EXOC6B: variants seen among roughly 807,000 people sequenced by gnomAD.
EXOC6B encodes the protein exocyst complex component 6B.
EXOC6B carries 54 observed loss-of-function variants against 113.5 expected under a neutral mutation model. The ratio of observed to expected loss-of-function variants is 0.48; its 90% CI spans 0.38 to 0.60. The LOEUF is 0.60. Among genes scored for constraint, EXOC6B ranks in the 20% least tolerant of loss-of-function variants. EXOC6B has a pLI of 0.00. For missense variants in EXOC6B, 797 were observed against 977.5 expected (o/e 0.82, Z 2.46); for synonymous variants, 357 against 339.0 (o/e 1.05, Z -0.58).
chr2:72,598,556 A>T (rs144393558), intron 6 of EXOC6B, among the ~76,000 whole-genome samples: 3 of 152,130 alleles, frequency 2.0e-5, no homozygotes, highest in Non-Finnish European at 4.4e-5. Context: ...TTGGAGTAGG[A>T]AACGATGAAA....
At chr2:72,672,869 C>A (rs1410114168) in intron 6 of EXOC6B, among the ~76,000 whole-genome samples, 1 of 152,034 alleles carries the variant, frequency 6.6e-6, no homozygotes, top group Non-Finnish European at 1.5e-5. Context: ...GGAAATAAGA[C>A]CTGATGTTCA....
At chr2:72,799,601 T>G (rs1685175862) in intron 1 of EXOC6B, among the ~76,000 whole-genome samples, 1 of 152,116 alleles carries the variant, frequency 6.6e-6, no homozygotes, top group South Asian at 2.1e-4. Flanking sequence ...TTCTAAAGTT[T>G]TAAAATGTAC....
rs1203827806 is a variant in EXOC6B at position 72,297,401 on chromosome 2, CCA to C, written c.2196+37544_2196+37545del. 2.6e-5 allele frequency among the ~76,000 whole-genome samples: 4 copies of C among 152,208 alleles called. No homozygotes were observed. The East Asian group carries it at 5.8e-4, about 22-fold the overall frequency. ...CACACGTTCCACCCTCAAGTAGGCCCCAGTGTCTGTTCTTCCCCTCTTTGTGT... is the reference window on the plus strand; with the variant it reads ...CACACGTTCCACCCTCAAGTAGGCCCGTGTCTGTTCTTCCCCTCTTTGTGT... On this transcript the variant is annotated intron_variant, in intron 20 of 21. Transcript: ENST00000272427.
chr2:72,628,811 C>T (rs1047669411), intron 6 of EXOC6B, among the ~76,000 whole-genome samples: 6 of 152,126 alleles, frequency 3.9e-5, no homozygotes, highest in African/African-American at 1.4e-4. Context: ...GCCATTGAGA[C>T]TACATACAGT....
intron 18 of EXOC6B, among the ~76,000 whole-genome samples, chr2:72,380,502 T>G (rs2105066179): frequency 6.6e-6 from 1 of 152,022 alleles, no homozygotes; most frequent in Admixed American, 6.6e-5. Flanking sequence ...TAGCTGGGCG[T>G]GGTGGCAGGC....
intron 18 of EXOC6B, among the ~76,000 whole-genome samples, chr2:72,395,981 T>C (rs910087722): frequency 2.0e-5 from 3 of 152,092 alleles, no homozygotes; most frequent in Non-Finnish European, 1.5e-5. Flanking sequence ...TATATGGGTG[T>C]CCCAGATAGA....
At chr2:72,500,051 T>C in intron 11 of EXOC6B, 79 bp from the exon 12 acceptor site, 3 of 977,926 alleles carry the variant, frequency 3.1e-6, no homozygotes, top group Non-Finnish European at 4.7e-6. Context: ...TTTAATTGTT[T>C]AGCGCTTTAT....
rs59017136 is a variant in EXOC6B at position 72,505,831 on chromosome 2, A to C, written c.1168-5859T>G. ...TCTCTCCAGTTTCTAATTTACTAAG[A>C]AATTTTACCATAAGTTTATTGTGCA... On this transcript the variant is annotated intron_variant, in intron 11 of 21. Transcript: ENST00000272427. Among the ~76,000 whole-genome samples, 1,245 of 152,230 alleles carry C rather than the reference A, an allele frequency of 8.2e-3. 27 individuals carry two copies. The highest frequency in any genetic ancestry group is 0.028 in the African/African-American group (1,144 of 41,558).
At chr2:72,599,483 A>G (rs1262364389) in intron 6 of EXOC6B, among the ~76,000 whole-genome samples, 2 of 152,184 alleles carry the variant, frequency 1.3e-5, no homozygotes, top group Non-Finnish European at 2.9e-5. Context: ...TCCTAAGATC[A>G]GGAACAATAC....
chr2:72,290,702 AC>A (rs377310055), intron 20 of EXOC6B, among the ~76,000 whole-genome samples: 124 of 152,066 alleles, frequency 8.2e-4, no homozygotes, highest in African/African-American at 2.3e-3. Context: ...CTATAAAAAA[AC>A]GTTTTTAATA....
intron 20 of EXOC6B, among the ~76,000 whole-genome samples, chr2:72,275,026 C>G (rs1684727931): frequency 6.6e-6 from 1 of 152,070 alleles, no homozygotes; most frequent in African/African-American, 2.4e-5. Context: ...TTTTGCCAGT[C>G]TAAAGCAGTG....
chr2:72,663,956 G>T (rs916868635), intron 6 of EXOC6B, among the ~76,000 whole-genome samples: 3 of 151,984 alleles, frequency 2.0e-5, no homozygotes, highest in Non-Finnish European at 2.9e-5. Context: ...GAAGGTGAAG[G>T]GGTATTTGAG....
intron 6 of EXOC6B, among the ~76,000 whole-genome samples, chr2:72,651,952 T>C (rs1674198128): frequency 6.6e-6 from 1 of 152,164 alleles, no homozygotes; most frequent in African/African-American, 2.4e-5. Context: ...GACACAATGA[T>C]ACACAGATCC....
chr2:72,747,978 C>T (rs1681808729), intron 1 of EXOC6B, among the ~76,000 whole-genome samples: 1 of 152,018 alleles, frequency 6.6e-6, no homozygotes, highest in African/African-American at 2.4e-5. Flanking sequence ...CATTTTATCT[C>T]TACCTGCTGG....
intron 18 of EXOC6B, among the ~76,000 whole-genome samples, chr2:72,399,283 A>G (rs191487707): frequency 4.6e-5 from 7 of 152,286 alleles, no homozygotes; most frequent in Non-Finnish European, 1.5e-5. Context: ...ATATACAACA[A>G]ACCCACAGCC....
chr2:72,419,425 C>T (rs1694730234), intron 18 of EXOC6B, among the ~76,000 whole-genome samples: 1 of 152,170 alleles, frequency 6.6e-6, no homozygotes, highest in African/African-American at 2.4e-5. Context: ...CTTCAAGTTA[C>T]AGTCTAGTGT....
At chr2:72,765,087 T>C (rs1440446706) in intron 1 of EXOC6B, among the ~76,000 whole-genome samples, 1 of 30,314 alleles carries the variant, frequency 3.3e-5, no homozygotes, top group Admixed American at 3.9e-4. Flanking sequence ...ACCCCATCAC[T>C]ACAAAAAAAA....
intron 20 of EXOC6B, among the ~76,000 whole-genome samples, chr2:72,274,292 A>G (rs80178802): frequency 0.024 from 3,600 of 152,290 alleles, 143 homozygotes; most frequent in African/African-American, 0.081. Flanking sequence ...ATGGGACTGT[A>G]AAGTCAATTT....
rs571007493 is a variant in EXOC6B, at chr2:72,217,031, T to C, written c.2197-32844A>G. Among the ~76,000 whole-genome samples the C allele has an allele frequency of 1.1e-3, 122 of 116,044 alleles. 1 individual carries two copies. The highest frequency in any genetic ancestry group is 4.2e-3 in the African/African-American group (110 of 25,996). The allele number at this position is 116,044 out of a possible 152,430, so 76.1% of individuals were successfully genotyped here. Reference sequence around the variant, plus strand: ...ACTCCATCCAGCCTGGGCGACTCCATATCAAAAAAAAAAAAAAAAGTATAG... The same window carrying C: ...ACTCCATCCAGCCTGGGCGACTCCACATCAAAAAAAAAAAAAAAAGTATAG... On this transcript the variant is annotated intron_variant, in intron 20 of 21. Coordinates refer to ENST00000272427, the MANE Select transcript of EXOC6B (RefSeq NM_015189.3).
Sources: allele counts gnomAD v4.1 joint callset (sites outside exome capture counted in the v4.1 genomes callset), GRCh38; gene constraint gnomAD v4.1.1; transcripts MANE v1.5; gene names NCBI Gene and HGNC (gene_info 2026-07-23, HGNC 2026-07-21).